Variants in PPM1A observed in about 807,000 individuals in gnomAD.
PPM1A encodes protein phosphatase 1A.
A neutral mutation model predicts 35.0 loss-of-function variants in PPM1A; 7 were observed. That is an observed-to-expected ratio of 0.20 (90% CI 0.11 to 0.38). PPM1A has a LOEUF of 0.38. Ranked by LOEUF, PPM1A falls within the 10% of genes least tolerant of loss-of-function variation. The probability of loss-of-function intolerance (pLI) is 1.00; values close to 1 mark genes in which losing one functional copy is unlikely to be tolerated. For missense variants in PPM1A, 239 were observed against 467.8 expected (o/e 0.51, Z 4.51); for synonymous variants, 153 against 167.3 (o/e 0.91, Z 0.66).
At chr14:60,280,545 C>CT (rs1566595817) in intron 1 of PPM1A, among the ~76,000 whole-genome samples, 1 of 152,198 alleles carries the variant, frequency 6.6e-6, no homozygotes, top group Non-Finnish European at 1.5e-5. Flanking sequence ...ACTCACGTCT[C>CT]TTTTTTTCTT....
rs950046676 is a variant in PPM1A, at chr14:60,250,458, G to A, written c.-21+781G>A. The A allele has an allele frequency of 4.1e-6, 4 of 982,112 alleles. No homozygotes were observed. In the African/African-American group the frequency reaches 5.3e-5, roughly 13 times the overall value. The allele number at this position is 982,112 out of a possible 1,614,324, so 60.8% of individuals were successfully genotyped here. A position where few individuals can be genotyped will look rare whatever the true frequency, so the allele number is the denominator to read the frequency against. On this transcript the variant is annotated intron_variant, in intron 1 of 5. Transcript: ENST00000395076. ...TTCTACCAACTGCAGTTTTAGATAC[G>A]TTTTGAAAATTTCATCACCTGAGGT...
intron 1 of PPM1A, among the ~76,000 whole-genome samples, chr14:60,276,738 A>G (rs2139487447): frequency 6.6e-6 from 1 of 152,326 alleles, no homozygotes; most frequent in Non-Finnish European, 1.5e-5. Flanking sequence ...CATGTTGCAT[A>G]GGGATTTTAA....
rs1247971559 is a variant in PPM1A, at chr14:60,260,672, AG to A, written c.-21+10996del. Among the ~76,000 whole-genome samples the A allele has an allele frequency of 6.5e-4, 99 of 152,234 alleles. 1 individual carries two copies. In the East Asian group the frequency reaches 0.017, roughly 26 times the overall value. Reference sequence around the variant, plus strand: ...CTCCAAAAGATACCCTGTACTCATTAGCAGTCACTCCCCATTCACCAGTCTC... The same window carrying A: ...CTCCAAAAGATACCCTGTACTCATTACAGTCACTCCCCATTCACCAGTCTC... On this transcript the variant is annotated intron_variant, in intron 1 of 5. Coordinates refer to ENST00000395076, the MANE Select transcript of PPM1A (RefSeq NM_021003.5).
chr14:60,247,970 C>T (rs901779139), upstream of PPM1A, among the ~76,000 whole-genome samples: 1 of 152,196 alleles, frequency 6.6e-6, no homozygotes, highest in Admixed American at 6.5e-5. Context: ...TGCATCAGAA[C>T]ATCTTTTAAA....
intron 1 of PPM1A, among the ~76,000 whole-genome samples, chr14:60,258,331 C>T (rs541683992): frequency 6.6e-6 from 1 of 152,114 alleles, no homozygotes; most frequent in Admixed American, 6.5e-5. Flanking sequence ...TTACTTTATA[C>T]TTGGCTTATT....
At chr14:60,276,220 C>G (rs1266391880) in intron 1 of PPM1A, among the ~76,000 whole-genome samples, 2 of 152,194 alleles carry the variant, frequency 1.3e-5, no homozygotes, top group Non-Finnish European at 2.9e-5. Context: ...AGTTTACGCT[C>G]TACATCCCAC....
intron 1 of PPM1A, chr14:60,250,265 C>A: frequency 1.1e-5 from 2 of 181,296 alleles, no homozygotes; most frequent in Non-Finnish European, 2.1e-5. Context: ...ATTATTAAGG[C>A]ATCGAACAAA....
Position 60,282,393 on chromosome 14 carries a change from C to T in PPM1A, c.-20-291C>T, listed in dbSNP as rs13379396. ...GTTCATTGTATCATTAAACATTTAGCCTGGTTGGTTTAAGTTGATGGCCAC... is the reference window on the plus strand; with the variant it reads ...GTTCATTGTATCATTAAACATTTAGTCTGGTTGGTTTAAGTTGATGGCCAC... On this transcript the variant is annotated intron_variant, in intron 1 of 5. Transcript: ENST00000395076. The surrounding 1 kb of genome is among the most constrained non-coding windows in gnomAD (Gnocchi z 5.1). Among the ~76,000 whole-genome samples the T allele has an allele frequency of 6.6e-6, 1 of 152,120 alleles. No individual in the cohort carries two copies. The highest frequency in any genetic ancestry group is 1.5e-5 in the Non-Finnish European group (1 of 68,036).
chr14:60,246,029 GA>G (rs747662835), upstream of PPM1A: 8 of 1,572,946 alleles, frequency 5.1e-6, no homozygotes, highest in Non-Finnish European at 6.0e-6. Context: ...ATGTGTGAGA[GA>G]AAAAAATATG....
chr14:60,250,526 A>G (rs1882260914), intron 1 of PPM1A: 4 of 716,806 alleles, frequency 5.6e-6, no homozygotes, highest in Non-Finnish European at 6.8e-6. Flanking sequence ...CAAATCCACA[A>G]AAGTCATGCT....
At chr14:60,257,471 T>G (rs1883266856) in intron 1 of PPM1A, among the ~76,000 whole-genome samples, 1 of 152,226 alleles carries the variant, frequency 6.6e-6, no homozygotes, top group Non-Finnish European at 1.5e-5. Flanking sequence ...GGGTCATGTA[T>G]AATCACTTTA....
At chr14:60,286,730 C>CT in intron 3 of PPM1A, 1 of 983,808 alleles carries the variant, frequency 1.0e-6, no homozygotes, top group Non-Finnish European at 1.2e-6. Flanking sequence ...CAGTCTGATA[C>CT]TAGAATCATG....
upstream of PPM1A, chr14:60,245,954 G>A (rs1176284340): frequency 2.5e-6 from 4 of 1,578,066 alleles, no homozygotes; most frequent in Non-Finnish European, 3.4e-6. This position sits in a 1 kb window ranked among gnomAD's most constrained non-coding sequence, Gnocchi z 4.2. Context: ...AAGGCAAAAA[G>A]AGAAGAGAAG....
At chr14:60,259,653 T>C (rs1280721044) in intron 1 of PPM1A, among the ~76,000 whole-genome samples, 1 of 152,116 alleles carries the variant, frequency 6.6e-6, no homozygotes, top group Non-Finnish European at 1.5e-5. Flanking sequence ...TCTGAATTAG[T>C]TAACAGATGA....
chr14:60,266,544 T>C (rs758967891), intron 1 of PPM1A, among the ~76,000 whole-genome samples: 1 of 152,172 alleles, frequency 6.6e-6, no homozygotes, highest in African/African-American at 2.4e-5. Context: ...TAAGGTGTGA[T>C]GTTGAAGGGA....
At chr14:60,279,499 C>T (rs1279400494) in intron 1 of PPM1A, among the ~76,000 whole-genome samples, 1 of 152,140 alleles carries the variant, frequency 6.6e-6, no homozygotes, top group African/African-American at 2.4e-5. Flanking sequence ...ACTGATTTAT[C>T]ACCCGTGTTC....
upstream of PPM1A, chr14:60,248,723 AC>A (rs1235064439): frequency 3.3e-5 from 5 of 152,318 alleles, no homozygotes; most frequent in Admixed American, 1.3e-4. Flanking sequence ...GGCTGCGTGT[AC>A]ACCATCTTCG....
intron 1 of PPM1A, among the ~76,000 whole-genome samples, chr14:60,269,904 A>G (rs1884883534): frequency 6.6e-6 from 1 of 152,222 alleles, no homozygotes; most frequent in Non-Finnish European, 1.5e-5. Context: ...TCTTCAAATT[A>G]TGCTTCGGTA....
rs1268734286 is a variant in PPM1A at position 60,283,860 on chromosome 14, T to C, written c.834+323T>C. ...GGGTGGGGAGGGTTAGGCCTCAGTG[T>C]CTATAAATGAAAAGCATTTTAGAGT... On this transcript the variant is annotated intron_variant, in intron 2 of 5. Transcript: ENST00000395076. This position sits in a 1 kb window ranked among gnomAD's most constrained non-coding sequence, Gnocchi z 6.3. Among the ~76,000 whole-genome samples the C allele has an allele frequency of 2.0e-5, 3 of 152,226 alleles. No homozygotes were observed. Among genetic ancestry groups the C allele is most frequent in the Non-Finnish European group, 2.9e-5 (2 of 68,044 alleles).
Sources: allele counts gnomAD v4.1 joint callset (sites outside exome capture counted in the v4.1 genomes callset), GRCh38; gene constraint gnomAD v4.1.1; non-coding constraint Gnocchi (gnomAD v3.1); transcripts MANE v1.5; gene names NCBI Gene and HGNC (gene_info 2026-07-23, HGNC 2026-07-21).